The following GSE1 variants were observed in gnomAD, a reference collection of about 807,000 sequenced individuals.
The protein encoded by GSE1 is Gse1 coiled-coil protein.
Under a neutral mutation model 112.6 loss-of-function variants are expected in GSE1, and 32 were observed. The ratio of observed to expected loss-of-function variants is 0.28; its 90% confidence interval spans 0.21 to 0.38. GSE1 has a LOEUF of 0.38. GSE1 is among the 10% of genes least tolerant of loss of function. The pLI is 1.00. For missense variants in GSE1, 2,348 were observed against 1,699.2 expected, an observed-to-expected ratio of 1.38 and a Z score of -6.71; for synonymous variants, 1,115 against 735.6, an observed-to-expected ratio of 1.52 and a Z score of -8.35.
intron 1 of GSE1, among the ~76,000 whole-genome samples, chr16:85,271,211 A>G (rs1230869704): frequency 1.3e-5 from 2 of 152,050 alleles, no homozygotes; most frequent in African/African-American, 4.8e-5. Flanking sequence ...CATGTCTCTC[A>G]CGGTGGGTCC....
At chr16:85,249,380 C>T (rs373091466) in intron 1 of GSE1, among the ~76,000 whole-genome samples, 4 of 152,344 alleles carry the variant, frequency 2.6e-5, no homozygotes, top group South Asian at 4.1e-4. Context: ...GTGGCACTTG[C>T]GGAGGCCCAG....
intron 2 of GSE1, among the ~76,000 whole-genome samples, chr16:85,383,458 CAG>C (rs2047606637): frequency 6.6e-6 from 1 of 151,516 alleles, no homozygotes; most frequent in African/African-American, 2.4e-5. Context: ...CATGTACACA[CAG>C]TCTGTCACAC....
chr16:85,216,955 A>G (rs758631285), intron 1 of GSE1, among the ~76,000 whole-genome samples: 1 of 152,230 alleles, frequency 6.6e-6, no homozygotes, highest in African/African-American at 2.4e-5. Flanking sequence ...GAGGTGGCCT[A>G]TGGAAAGCGG....
intron 2 of GSE1, among the ~76,000 whole-genome samples, chr16:85,468,738 A>G (rs1332171565): frequency 6.6e-6 from 1 of 152,182 alleles, no homozygotes; most frequent in Admixed American, 6.5e-5. Context: ...AGATGTTGGC[A>G]AGAGTGGCTG....
At chr16:85,249,618 G>A (rs1906234563) in intron 1 of GSE1, among the ~76,000 whole-genome samples, 1 of 152,230 alleles carries the variant, frequency 6.6e-6, no homozygotes, top group Non-Finnish European at 1.5e-5. Context: ...AGAGTCCTGG[G>A]TTCCCGCCAG....
exon 1 of GSE1, chr16:85,556,331 T>A (rs2045208898): frequency 1.0e-6 from 1 of 984,762 alleles, no homozygotes. Flanking sequence ...TGAACCATGT[T>A]TGGATTGAAG....
chr16:85,504,482 T>C (rs2051472409), intron 2 of GSE1, among the ~76,000 whole-genome samples: 1 of 152,242 alleles, frequency 6.6e-6, no homozygotes, highest in Admixed American at 6.5e-5. Flanking sequence ...ACCAGCCACC[T>C]GATGGCTATT....
chr16:85,531,096 G>T (rs537887227), intron 2 of GSE1, among the ~76,000 whole-genome samples: 12 of 152,364 alleles, frequency 7.9e-5, no homozygotes, highest in African/African-American at 2.9e-4. Flanking sequence ...CGGTTGCCCG[G>T]ATTCAGACCT....
intron 2 of GSE1, among the ~76,000 whole-genome samples, chr16:85,383,527 GTCTCTCTCTCTCTCTCTCTCTCTC>G (rs55919597): frequency 1.1e-3 from 141 of 130,498 alleles, no homozygotes; most frequent in East Asian, 1.6e-3. Flanking sequence ...GCACACCTGC[GTCTCTCTCTCTCTCTCTCTCTCTC>G]TCTCTCTCTC....
intron 1 of GSE1, among the ~76,000 whole-genome samples, chr16:85,587,169 C>CT (rs1491426466): frequency 9.1e-6 from 1 of 109,702 alleles, no homozygotes; most frequent in Non-Finnish European, 1.8e-5. Flanking sequence ...GAGGACGAAA[C>CT]CCCCCCCCCC....
chr16:85,208,947 C>T (rs560663437), intron 1 of GSE1, among the ~76,000 whole-genome samples: 20 of 145,396 alleles, frequency 1.4e-4, no homozygotes, highest in East Asian at 2.0e-4. Context: ...TGGGGTTCGC[C>T]GCATGTTGGG....
At chr16:85,349,240 TC>T (rs575867242) in intron 1 of GSE1, among the ~76,000 whole-genome samples, 188 of 152,236 alleles carry the variant, frequency 1.2e-3, no homozygotes, top group African/African-American at 4.3e-3. Flanking sequence ...GCCTTATCAT[TC>T]CCTTTATTGC....
chr16:85,276,013 G>C (rs1045261779), intron 1 of GSE1, among the ~76,000 whole-genome samples: 14 of 152,234 alleles, frequency 9.2e-5, no homozygotes, highest in Non-Finnish European at 1.9e-4. Context: ...GGGCAAACAG[G>C]GACTGATAAG....
chr16:85,276,662 T>TC (rs1196542414), intron 1 of GSE1, among the ~76,000 whole-genome samples: 4 of 152,182 alleles, frequency 2.6e-5, no homozygotes, highest in African/African-American at 9.6e-5. Flanking sequence ...GGAGGATGCT[T>TC]CGGTGGCGGG....
intron 2 of GSE1, among the ~76,000 whole-genome samples, chr16:85,550,917 A>G (rs1243507988): frequency 2.6e-5 from 4 of 152,206 alleles, no homozygotes; most frequent in African/African-American, 7.2e-5. Flanking sequence ...GTTTTCTCCC[A>G]TTGAGAGATG....
Position 85,261,115 on chromosome 16 carries a change from G to A in GSE1, c.2283+89308G>A, listed in dbSNP as rs539924175. Among the ~76,000 whole-genome samples the A allele has an allele frequency of 9.2e-4, 140 of 152,296 alleles. 1 individual carries two copies. Among genetic ancestry groups the A allele is most frequent in the Non-Finnish European group, 1.4e-3 (92 of 68,022 alleles). ...TAAGTGATCAGCCCTTACCACCCCC[G>A]CCTGGAGGGCCAAGGCTGCCCAGGG... On this transcript the variant is annotated intron_variant, in intron 1 of 2. Coordinates refer to the GSE1 transcript ENST00000637419.
chr16:85,472,116 G>A (rs189814957), intron 2 of GSE1, among the ~76,000 whole-genome samples: 3 of 152,312 alleles, frequency 2.0e-5, no homozygotes, highest in Non-Finnish European at 4.4e-5. Flanking sequence ...ACATTGCCAG[G>A]TGTCTCCTGG....
chr16:85,403,060 G>A (rs1041264051), intron 2 of GSE1, among the ~76,000 whole-genome samples: 1 of 149,884 alleles, frequency 6.7e-6, no homozygotes, highest in African/African-American at 2.4e-5. Flanking sequence ...GCTGGGGAAG[G>A]ATCTACTCCC....
intron 2 of GSE1, among the ~76,000 whole-genome samples, chr16:85,507,688 C>A (rs1210646515): frequency 6.6e-6 from 1 of 152,098 alleles, no homozygotes; most frequent in Non-Finnish European, 1.5e-5. Context: ...GACACCAGTC[C>A]TATTGGATTA....
Sources: gnomAD v4.1 joint callset for allele counts (sites outside exome capture counted in the v4.1 genomes callset) on GRCh38, gnomAD v4.1.1 for gene constraint, MANE v1.5 for transcripts, NCBI Gene and HGNC (gene_info 2026-07-23, HGNC 2026-07-21) for gene names.